Variants in FHIT observed in about 807,000 individuals in gnomAD.
FHIT encodes the protein fragile histidine triad diadenosine triphosphatase, also known as bis(5'-adenosyl)-triphosphatase.
In FHIT, 19 loss-of-function variants were observed where a neutral mutation model predicts 17.9. That is an observed-to-expected ratio of 1.06 (90% CI 0.74 to 1.56). The LOEUF is 1.56. Ranked by LOEUF, FHIT falls within the 40% of genes most tolerant of loss-of-function variation. The pLI is 0.00. For missense variants in FHIT, 248 were observed against 189.2 expected, an observed-to-expected ratio of 1.31 and a Z score of -1.82; for synonymous variants, 81 against 69.7, an observed-to-expected ratio of 1.16 and a Z score of -0.81.
At chr3:59,921,831 A>G (rs1043169394) in intron 8 of FHIT, among the ~76,000 whole-genome samples, 4 of 152,212 alleles carry the variant, frequency 2.6e-5, no homozygotes, top group Non-Finnish European at 5.9e-5. Context: ...AAATAAATTA[A>G]CTGCTTTAAT....
chr3:60,354,083 A>T (rs1355906603), intron 5 of FHIT, among the ~76,000 whole-genome samples: 1 of 152,140 alleles, frequency 6.6e-6, no homozygotes, highest in African/African-American at 2.4e-5. Context: ...GTGGCAATAT[A>T]AAAAATGGTA....
At chr3:60,703,811 A>C (rs990107308) in intron 4 of FHIT, among the ~76,000 whole-genome samples, 12 of 152,148 alleles carry the variant, frequency 7.9e-5, no homozygotes, top group African/African-American at 2.9e-4. Flanking sequence ...ATGTAAAACT[A>C]TCTGGGCCTG....
At chr3:59,764,094 C>G (rs573492988) in intron 8 of FHIT, among the ~76,000 whole-genome samples, 31 of 152,308 alleles carry the variant, frequency 2.0e-4, no homozygotes, top group Non-Finnish European at 3.7e-4. Flanking sequence ...GGCAATGACA[C>G]TTTGGGGCTC....
At chr3:60,685,066 A>T (rs1220348410) in intron 4 of FHIT, among the ~76,000 whole-genome samples, 3 of 152,160 alleles carry the variant, frequency 2.0e-5, no homozygotes, top group African/African-American at 4.8e-5. Context: ...AACACACCTT[A>T]TTAAAGTAAC....
intron 5 of FHIT, among the ~76,000 whole-genome samples, chr3:60,404,839 A>G (rs150251572): frequency 6.6e-6 from 1 of 152,308 alleles, no homozygotes; most frequent in East Asian, 1.9e-4. Flanking sequence ...AGACAGAAGG[A>G]AAGACCTCAC....
intron 3 of FHIT, among the ~76,000 whole-genome samples, chr3:60,911,984 TA>T (rs1366367716): frequency 1.3e-5 from 2 of 152,008 alleles, no homozygotes; most frequent in Non-Finnish European, 2.9e-5. Context: ...AATGTTGCTA[TA>T]AAAAAATTAA....
chr3:60,123,963 T>TAA lies in FHIT; in HGVS notation c.104-109813_104-109812dup, dbSNP rs202075382. The stretch of plus-strand genomic sequence containing the variant: ...CTCACTTCCATTAACAGAAATGCAC[T>TAA]AAAAATATATATATATATATATATA... On this transcript the variant is annotated intron_variant, in intron 5 of 9. Transcript: ENST00000492590. Among the ~76,000 whole-genome samples, 24 of 53,542 alleles carry TAA rather than the reference T, an allele frequency of 4.5e-4. 2 individuals are homozygous for TAA. The highest frequency in any genetic ancestry group is 1.0e-3 in the East Asian group (2 of 1,956). 35.1% of individuals were successfully genotyped at this position (53,542 alleles called of 152,430 possible). A position where few individuals can be genotyped will look rare whatever the true frequency, so the allele number is the denominator to read the frequency against.
At chr3:60,286,475 C>T (rs1050022440) in intron 5 of FHIT, among the ~76,000 whole-genome samples, 8 of 152,068 alleles carry the variant, frequency 5.3e-5, no homozygotes, top group Non-Finnish European at 1.2e-4. Flanking sequence ...AAAAGAAGCA[C>T]TTGTAGAGGA....
intron 8 of FHIT, among the ~76,000 whole-genome samples, chr3:59,820,010 C>A (rs1194351450): frequency 6.6e-6 from 1 of 152,222 alleles, no homozygotes; most frequent in Non-Finnish European, 1.5e-5. Context: ...GGCAAGCCCT[C>A]ACCAGAAACC....
At chr3:60,435,507 T>C (rs2030141333) in intron 5 of FHIT, among the ~76,000 whole-genome samples, 1 of 152,034 alleles carries the variant, frequency 6.6e-6, no homozygotes, top group African/African-American at 2.4e-5. Context: ...AATATCAAAG[T>C]AAACTTTGGT....
At chr3:60,780,588 C>G (rs150654888) in intron 4 of FHIT, among the ~76,000 whole-genome samples, 9 of 152,178 alleles carry the variant, frequency 5.9e-5, no homozygotes, top group Non-Finnish European at 1.5e-5. Flanking sequence ...AACAATCATG[C>G]AAGCAGAGCC....
Position 60,824,913 on chromosome 3 carries a change from C to G in FHIT, c.-110-2902G>C, listed in dbSNP as rs528938628. On this transcript the variant is annotated intron_variant, in intron 3 of 9. Coordinates refer to ENST00000492590, the MANE Select transcript of FHIT (RefSeq NM_002012.4). ...AAACTTCTTTCTGTTGTAAATTGCC[C>G]AATCTCCAGTATGTCTTTATCAGCA... is the stretch of plus-strand genomic sequence containing the variant. Among the ~76,000 whole-genome samples the G allele has an allele frequency of 3.9e-4, 60 of 152,240 alleles. 1 individual carries two copies. Among genetic ancestry groups the G allele is most frequent in the African/African-American group, 1.4e-3 (59 of 41,544 alleles).
At chr3:60,098,602 G>A (rs1312314187) in intron 5 of FHIT, among the ~76,000 whole-genome samples, 1 of 152,128 alleles carries the variant, frequency 6.6e-6, no homozygotes, top group African/African-American at 2.4e-5. Context: ...GTTCATTGCA[G>A]ATTCTGGATA....
chr3:60,384,835 G>GT (rs1468633783), intron 5 of FHIT, among the ~76,000 whole-genome samples: 3 of 98,378 alleles, frequency 3.0e-5, no homozygotes, highest in African/African-American at 1.6e-4. Flanking sequence ...TTTCACATTA[G>GT]TAAAAAAAAA....
chr3:60,753,865 C>A (rs1211931180), intron 4 of FHIT, among the ~76,000 whole-genome samples: 10 of 151,894 alleles, frequency 6.6e-5, no homozygotes, highest in African/African-American at 2.2e-4. Context: ...GGCTGCTTTA[C>A]AATTTCCATA....
intron 5 of FHIT, among the ~76,000 whole-genome samples, chr3:60,272,545 T>C (rs1355422459): frequency 6.6e-6 from 1 of 152,094 alleles, no homozygotes; most frequent in Non-Finnish European, 1.5e-5. Context: ...TGTGAAAACA[T>C]ATCAAATCTT....
intron 5 of FHIT, among the ~76,000 whole-genome samples, chr3:60,323,631 C>T (rs187376398): frequency 1.3e-5 from 2 of 152,326 alleles, no homozygotes. Context: ...ATTTTGCTCA[C>T]ATCCCTGTGC....
chr3:60,075,699 A>G (rs866495497), intron 5 of FHIT, among the ~76,000 whole-genome samples: 1 of 152,044 alleles, frequency 6.6e-6, no homozygotes, highest in African/African-American at 2.4e-5. Context: ...TTTGTTTACC[A>G]TGGACAGCCT....
At chr3:60,473,270 A>G (rs776937597) in intron 5 of FHIT, among the ~76,000 whole-genome samples, 24 of 152,204 alleles carry the variant, frequency 1.6e-4, no homozygotes, top group Non-Finnish European at 2.8e-4. Context: ...AATTCAAATC[A>G]AAGAGTAATT....
Sources: allele counts gnomAD v4.1 joint callset (sites outside exome capture counted in the v4.1 genomes callset), GRCh38; gene constraint gnomAD v4.1.1; transcripts MANE v1.5; gene names NCBI Gene and HGNC (gene_info 2026-07-23, HGNC 2026-07-21).